The following TP53BP1 variants were observed in gnomAD, a reference collection of about 807,000 sequenced individuals.
TP53BP1 encodes the protein TP53-binding protein 1.
A neutral mutation model predicts 200.8 loss-of-function variants in TP53BP1; 61 were observed. The ratio of observed to expected loss-of-function variants is 0.30; its 90% CI spans 0.25 to 0.38. The LOEUF (loss-of-function observed/expected upper bound fraction) is 0.38. Ranked by LOEUF, TP53BP1 falls within the 10% of genes least tolerant of loss-of-function variation. TP53BP1 has a pLI of 1.00. For synonymous variants in TP53BP1, 822 were observed against 844.3 expected (o/e 0.97, Z 0.46); for missense variants, 2,144 against 2,371.9 (o/e 0.90, Z 2.00).
At chr15:43,465,657 A>G (rs893297615) in intron 11 of TP53BP1, among the ~76,000 whole-genome samples, 3 of 152,210 alleles carry the variant, frequency 2.0e-5, no homozygotes. Flanking sequence ...ACCCAATACA[A>G]TGAATGAAAA....
chr15:43,474,579 T>C (rs2046810301), intron 10 of TP53BP1, 94 bp downstream of exon 10: 2 of 797,746 alleles, frequency 2.5e-6, no homozygotes, highest in Non-Finnish European at 4.1e-6. Context: ...GTCACAAGCA[T>C]TCTAAAGTAC....
At chr15:43,466,237 G>A (rs1358500360) in intron 11 of TP53BP1, among the ~76,000 whole-genome samples, 2 of 152,186 alleles carry the variant, frequency 1.3e-5, no homozygotes, top group Non-Finnish European at 2.9e-5. Flanking sequence ...ACCAGGCATA[G>A]AGGGCAACAG....
intron 24 of TP53BP1, 162 bp from the exon 25 acceptor site, chr15:43,409,903 T>C (rs1474347736): frequency 5.0e-6 from 2 of 401,698 alleles, no homozygotes; most frequent in Non-Finnish European, 8.8e-6. Context: ...AAAGAGATCT[T>C]GAGGCCTTTA....
In TP53BP1 at chr15:43,448,820, C is replaced by T. The variant is rs2046101133; in HGVS notation, c.2717-1335G>A. Among the ~76,000 whole-genome samples, 8 of 152,138 alleles carry T rather than the reference C, an allele frequency of 5.3e-5. No individual in the cohort carries two copies. The South Asian group carries it at 1.7e-3, about 31-fold the overall frequency. On this transcript the variant is annotated intron_variant, in intron 12 of 27. Coordinates refer to ENST00000382044, the MANE Select transcript of TP53BP1 (RefSeq NM_001141980.3). ...GAAATAAAGGATTAAAGTACATATG[C>T]TCAGCTAAAGAAACTGTAAAGAGGG...
intron 9 of TP53BP1, among the ~76,000 whole-genome samples, chr15:43,475,361 G>T (rs1239673449): frequency 6.6e-6 from 1 of 152,082 alleles, no homozygotes; most frequent in African/African-American, 2.4e-5. Flanking sequence ...GAAACGTTTG[G>T]GCTACTATTA....
chr15:43,464,654 A>G (rs2046524157), intron 11 of TP53BP1, among the ~76,000 whole-genome samples: 1 of 152,200 alleles, frequency 6.6e-6, no homozygotes, highest in Non-Finnish European at 1.5e-5. Flanking sequence ...CTGTAATCCC[A>G]GCACTTTGGG....
intron 26 of TP53BP1, 112 bp from the exon 27 acceptor site, chr15:43,408,200 A>G: frequency 1.8e-6 from 2 of 1,099,284 alleles, no homozygotes; most frequent in African/African-American, 1.6e-5. Context: ...ATGCCCCATC[A>G]GACATAGTGT....
At chr15:43,434,494 G>A (rs1047178798) in intron 16 of TP53BP1, among the ~76,000 whole-genome samples, 2 of 152,148 alleles carry the variant, frequency 1.3e-5, no homozygotes, top group Non-Finnish European at 2.9e-5. Context: ...CAGACTAAAT[G>A]TCTATGTCCC....
At position 43,416,323 on chromosome 15, in the gene TP53BP1, A is replaced by T; in HGVS notation, c.4775T>A (p.Ile1592Asn). 1 of 1,614,214 alleles carries T rather than the reference A, an allele frequency of 6.2e-7. No homozygotes were observed. The highest frequency in any genetic ancestry group is 8.5e-7 in the Non-Finnish European group (1 of 1,180,018). Residue 1592 changes from isoleucine (I) to asparagine (N), a missense_variant, in exon 22 of 28, where the codon ATC (isoleucine) becomes AAC (asparagine). By Grantham distance (149) the Ile-to-Asn change is moderately radical. Coordinates refer to ENST00000382044, the MANE Select transcript of TP53BP1 (RefSeq NM_001141980.3). ...TCTGTTTCCTTGCTCCAAGGACAGG[A>T]TGACAGCCATTCGCTTATACCACTT... ...QRKWYKRMAV[I>N]LSLEQGNRLR...
chr15:43,409,185 C>A, intron 25 of TP53BP1, 89 bp from the exon 26 acceptor site: 1 of 1,230,686 alleles, frequency 8.1e-7, no homozygotes, highest in South Asian at 1.3e-5. Context: ...AAGAGCAGAT[C>A]TGAAGACTCC....
At chr15:43,467,110 G>A (rs955130021) in intron 11 of TP53BP1, among the ~76,000 whole-genome samples, 1 of 150,704 alleles carries the variant, frequency 6.6e-6, no homozygotes, top group African/African-American at 2.5e-5. Context: ...GCTGAGTGCT[G>A]TGGCATGATC....
rs149536059 is a variant in TP53BP1, at chr15:43,425,997, G to A, written c.3828+2019C>T. Among the ~76,000 whole-genome samples the A allele has an allele frequency of 6.9e-3, 1,014 of 147,396 alleles. 9 individuals are homozygous for A. The highest frequency in any genetic ancestry group is 0.023 in the African/African-American group (929 of 39,892). On this transcript the variant is annotated intron_variant, in intron 18 of 27. Transcript: ENST00000382044. ...GGAGAATGGCGTGAACCCAGGAGGC[G>A]GAGCTTGCAGTGAGCCGAGGTAGCG...
rs1399736933 is a variant in TP53BP1 at position 43,406,553 on chromosome 15, T to C, written c.*830A>G. ...AGCAAAGGCGAGTAGTTGTGATGGA[T>C]CAAATGGCCCACAAAGCCTGAAATA... is the stretch of plus-strand genomic sequence containing the variant. On this transcript the variant is annotated 3_prime_UTR_variant, in exon 28 of 28. Coordinates refer to ENST00000382044, the MANE Select transcript of TP53BP1 (RefSeq NM_001141980.3). 3 of 455,692 alleles carry C rather than the reference T, an allele frequency of 6.6e-6. No individual in the cohort carries two copies. The highest frequency in any genetic ancestry group is 1.6e-5 in the South Asian group (1 of 64,484). 28.2% of individuals were successfully genotyped at this position (455,692 alleles called of 1,614,324 possible). A position where few individuals can be genotyped will look rare whatever the true frequency, so the allele number is the denominator to read the frequency against.
intron 20 of TP53BP1, 137 bp from the exon 21 acceptor site, chr15:43,420,872 T>C: frequency 7.8e-7 from 1 of 1,286,734 alleles, no homozygotes; most frequent in Non-Finnish European, 1.1e-6. Flanking sequence ...ATGAGCCTGG[T>C]CTCTCTGTGG....
At position 43,475,674 on chromosome 15, in the gene TP53BP1, T is replaced by G; in HGVS notation, c.976A>C (p.Thr326Pro). The change falls in exon 9 of 28, where the codon ACT becomes CCT. Residue 326 changes from threonine to proline, a missense_variant. Thr to Pro is a conservative substitution (Grantham distance 38). This residue lies in a region of TP53BP1 where 1,700 missense variants were observed against 1,710.3 expected (regional missense o/e 0.99). Transcript: ENST00000382044. ...NKTVSSDGCSTPSREEGGCSL... is the reference protein window; with the variant it reads ...NKTVSSDGCSPPSREEGGCSL... ...CACCCACCTTCCTCCCTTGAAGGAGTAGAGCAACCATCAGAAGATACTGAA... is the reference window on the plus strand; with the variant it reads ...CACCCACCTTCCTCCCTTGAAGGAGGAGAGCAACCATCAGAAGATACTGAA... The G allele has an allele frequency of 6.2e-7, 1 of 1,613,520 alleles. No homozygotes were observed. Among genetic ancestry groups the G allele is most frequent in the Non-Finnish European group, 8.5e-7 (1 of 1,179,920 alleles).
chr15:43,510,167 CG>C (rs1412425348), intron 1 of TP53BP1, among the ~76,000 whole-genome samples: 76 of 108,406 alleles, frequency 7.0e-4, no homozygotes, highest in African/African-American at 2.8e-3. Flanking sequence ...TAAGAACTCC[CG>C]GGGGGTGGGA....
intron 11 of TP53BP1, among the ~76,000 whole-genome samples, chr15:43,460,924 C>T (rs1316491760): frequency 1.3e-5 from 2 of 150,866 alleles, no homozygotes; most frequent in Non-Finnish European, 2.9e-5. Flanking sequence ...TACTTGGGAG[C>T]CTGGATGGTT....
In TP53BP1 at chr15:43,456,121, TTC is replaced by T; in HGVS notation, c.2485_2486del (p.Glu829ThrfsTer18). The T allele has an allele frequency of 6.2e-7, 1 of 1,614,224 alleles. No homozygotes were observed. ...GCTGTGAAGAATCTTGCTCTACAGG[TTC>T]TGTTTCTGCAGTCCCTGATTTCAGA... Reference protein sequence around the residue: ...GDLKSGTAETEPVEQDSSQPS... With the variant: ...GDLKSGTAETXPVEQDSSQPS... On this transcript the variant is annotated frameshift_variant, in exon 12 of 28. Transcript: ENST00000382044. LOFTEE classifies it high-confidence loss of function.
At chr15:43,499,352 A>C (rs2079198067) in intron 1 of TP53BP1, among the ~76,000 whole-genome samples, 2 of 152,216 alleles carry the variant, frequency 1.3e-5, no homozygotes, top group South Asian at 4.2e-4. Flanking sequence ...TGTACACCAA[A>C]CCCCGTGATA....
Sources: gnomAD v4.1 joint callset for allele counts (sites outside exome capture counted in the v4.1 genomes callset) on GRCh38, gnomAD v4.1.1 for gene constraint, gnomAD v4.1.1 regional missense constraint, MANE v1.5 for transcripts, NCBI Gene and HGNC (gene_info 2026-07-23, HGNC 2026-07-21) for gene names.